The following GET4 variants were observed in gnomAD, a reference collection of about 807,000 sequenced individuals.
GET4 encodes Golgi to ER traffic protein 4 homolog.
A neutral mutation model predicts 40.0 loss-of-function variants in GET4; 20 were observed. The observed-to-expected ratio is 0.50, with a 90% CI of 0.35 to 0.73. The LOEUF is 0.73. Among genes scored for constraint, GET4 ranks in the 30% least tolerant of loss-of-function variants. The pLI is 0.01. For missense variants in GET4, 557 were observed against 454.0 expected, an observed-to-expected ratio of 1.23 and a Z score of -2.06; for synonymous variants, 280 against 194.6, an observed-to-expected ratio of 1.44 and a Z score of -3.65.
chr7:890,390 GAGGGAGTGTGAGC>G (rs1844292681), intron 4 of GET4, among the ~76,000 whole-genome samples: 1 of 79,966 alleles, frequency 1.3e-5, no homozygotes, highest in Non-Finnish European at 2.6e-5. Context: ...TCTGGGAGTG[GAGGGAGTGTGAGC>G]GGGTGTTAGG....
chr7:887,179 G>A (rs758724701), intron 3 of GET4, 191 bp from the exon 4 acceptor site: 2 of 753,276 alleles, frequency 2.7e-6, no homozygotes, highest in African/African-American at 3.4e-5. Context: ...TCCTCGCTGT[G>A]CTCTGGGGCA....
In GET4 at chr7:876,569, G is replaced by A. The variant is rs557926672; in HGVS notation, c.-77G>A. 55 of 1,125,522 alleles carry A rather than the reference G, an allele frequency of 4.9e-5. No homozygotes were observed. In the African/African-American group the frequency reaches 9.1e-4, roughly 19 times the overall value. The allele number at this position is 1,125,522 out of a possible 1,614,324, so 69.7% of individuals were successfully genotyped here. ...GGGCCACCGTAGAAGGGCGTCGGGC[G>A]GCCGTCGGGACGGAAGCCGGGAGGC... On this transcript the variant is annotated 5_prime_UTR_variant, in exon 1 of 9. Coordinates refer to ENST00000265857, the MANE Select transcript of GET4 (RefSeq NM_015949.3).
intron 1 of GET4, among the ~76,000 whole-genome samples, chr7:879,286 C>G (rs1487099259): frequency 6.6e-6 from 1 of 152,232 alleles, no homozygotes; most frequent in Non-Finnish European, 1.5e-5. Flanking sequence ...GTGGCCGGCA[C>G]GCCGCGGTGC....
At position 887,181 on chromosome 7, in the gene GET4, T is replaced by C. The variant is rs777948224; in HGVS notation, c.317-189T>C. On this transcript the variant is annotated intron_variant, in intron 3 of 8. Coordinates refer to ENST00000265857, the MANE Select transcript of GET4 (RefSeq NM_015949.3). Reference sequence around the variant, plus strand: ...GTCCGTCCTTCCTTCCTCGCTGTGCTCTGGGGCACATGGCGCTGGAACTGC... The same window carrying C: ...GTCCGTCCTTCCTTCCTCGCTGTGCCCTGGGGCACATGGCGCTGGAACTGC... 47 of 756,690 alleles carry C rather than the reference T, an allele frequency of 6.2e-5. No homozygotes were observed. In the Admixed American group the frequency reaches 8.9e-4, roughly 14 times the overall value. 46.9% of individuals were successfully genotyped at this position (756,690 alleles called of 1,614,324 possible).
chr7:876,585 G>C lies in GET4; in HGVS notation c.-61G>C, dbSNP rs922680961. On this transcript the variant is annotated 5_prime_UTR_variant, in exon 1 of 9. Coordinates refer to ENST00000265857, the MANE Select transcript of GET4 (RefSeq NM_015949.3). ...GCGTCGGGCGGCCGTCGGGACGGAA[G>C]CCGGGAGGCGCTGCCGACCGCGCCT... is the stretch of plus-strand genomic sequence containing the variant. The C allele has an allele frequency of 2.6e-6, 3 of 1,148,648 alleles. No homozygotes were observed. The highest frequency in any genetic ancestry group is 3.2e-6 in the Non-Finnish European group (3 of 932,228). 71.2% of individuals were successfully genotyped at this position (1,148,648 alleles called of 1,614,324 possible).
At chr7:894,208 C>T (rs1296502872) in intron 8 of GET4, among the ~76,000 whole-genome samples, 8 of 151,974 alleles carry the variant, frequency 5.3e-5, no homozygotes, top group Non-Finnish European at 1.2e-4. Context: ...AGGTGTCTTC[C>T]ATTTCCTGGC....
intron 6 of GET4, among the ~76,000 whole-genome samples, chr7:893,094 CGTG>C (rs1178966943): frequency 1.6e-5 from 2 of 124,630 alleles, no homozygotes; most frequent in Non-Finnish European, 3.3e-5. Flanking sequence ...TGGGTGCGGG[CGTG>C]GTGATGTGTG....
intron 4 of GET4, among the ~76,000 whole-genome samples, chr7:888,567 G>T (rs555342593): frequency 1.6e-3 from 241 of 152,364 alleles, no homozygotes; most frequent in South Asian, 5.4e-3. Context: ...CCCGGTCCTG[G>T]CTGTGTGCCG....
intron 3 of GET4, chr7:887,034 C>T (rs1226011291): frequency 3.6e-6 from 2 of 559,680 alleles, no homozygotes; most frequent in Non-Finnish European, 6.8e-6. Context: ...GCAAGTCCCA[C>T]TCCTAGTCCC....
intron 1 of GET4, among the ~76,000 whole-genome samples, chr7:878,976 ACC>A (rs11294677): frequency 2.0e-5 from 3 of 149,730 alleles, no homozygotes; most frequent in African/African-American, 4.9e-5. Flanking sequence ...CCCCACAGAC[ACC>A]CCCCCCCGAG....
At chr7:878,591 T>TG (rs1185290919) in intron 1 of GET4, among the ~76,000 whole-genome samples, 1 of 150,382 alleles carries the variant, frequency 6.6e-6, no homozygotes, top group East Asian at 1.9e-4. Context: ...TTTTTTTTTT[T>TG]GCGACGGAGT....
chr7:891,104 G>C, intron 5 of GET4, 38 bp downstream of exon 5: 2 of 1,533,778 alleles, frequency 1.3e-6, no homozygotes, highest in Non-Finnish European at 1.8e-6. Context: ...GGCTTCCATT[G>C]CTGCCTTGGC....
intron 5 of GET4, 106 bp downstream of exon 5, chr7:891,172 C>G: frequency 2.4e-6 from 2 of 849,610 alleles, no homozygotes; most frequent in Non-Finnish European, 3.7e-6. Context: ...GCAGGATAAA[C>G]TGAGTTCACT....
intron 6 of GET4, among the ~76,000 whole-genome samples, chr7:893,208 TGCAGGTGA>T (rs1844375329): frequency 7.4e-6 from 1 of 135,388 alleles, no homozygotes; most frequent in African/African-American, 2.9e-5. Flanking sequence ...CGGTGGTGTG[TGCAGGTGA>T]GTGTTGGGCG....
At position 879,497 on chromosome 7, in the gene GET4, G is replaced by A. The variant is rs1026268086; in HGVS notation, c.155+2697G>A. Among the ~76,000 whole-genome samples, 7 of 152,328 alleles carry A rather than the reference G, an allele frequency of 4.6e-5. No homozygotes were observed. The South Asian group carries it at 6.2e-4, about 14-fold the overall frequency. On this transcript the variant is annotated intron_variant, in intron 1 of 8. Coordinates refer to ENST00000265857, the MANE Select transcript of GET4 (RefSeq NM_015949.3). The stretch of plus-strand genomic sequence containing the variant: ...TGTTTAGTGTTCACATTGTTTGTAC[G>A]GACCTACTGAGCAGCCCGGGCTCAG...
chr7:895,284 G>A (rs1844452203), intron 8 of GET4, 50 bp from the exon 9 acceptor site: 3 of 879,266 alleles, frequency 3.4e-6, no homozygotes, highest in Non-Finnish European at 3.7e-6. Context: ...GGGCTTGGGG[G>A]CCTGTGGGAG....
chr7:881,456 G>A (rs552831849), intron 1 of GET4: 2 of 151,568 alleles, frequency 1.3e-5, no homozygotes, highest in South Asian at 2.1e-4. Flanking sequence ...CTGTCTAACC[G>A]CTTGAATTCA....
At chr7:891,577 C>T (rs1404510612) in intron 5 of GET4, among the ~76,000 whole-genome samples, 1 of 152,240 alleles carries the variant, frequency 6.6e-6, no homozygotes, top group Non-Finnish European at 1.5e-5. Context: ...AGGCTCCGGG[C>T]GCTGCCTGCT....
chr7:878,848 G>C (rs1257060886), intron 1 of GET4, among the ~76,000 whole-genome samples: 1 of 152,220 alleles, frequency 6.6e-6, no homozygotes, highest in Non-Finnish European at 1.5e-5. Context: ...CAAAGTGCTG[G>C]GATTACAGGC....
Sources: gnomAD v4.1 joint callset for allele counts (sites outside exome capture counted in the v4.1 genomes callset) on GRCh38, gnomAD v4.1.1 for gene constraint, MANE v1.5 for transcripts, NCBI Gene and HGNC (gene_info 2026-07-23, HGNC 2026-07-21) for gene names.